KIF6: variants seen among roughly 807,000 people sequenced by gnomAD.
The protein encoded by KIF6 is kinesin family member 6.
In KIF6, 106 loss-of-function variants were observed where a neutral mutation model predicts 112.7. The observed-to-expected ratio is 0.94, with a 90% CI of 0.80 to 1.11. The LOEUF is 1.11. Among genes scored for constraint, KIF6 ranks in the 50% least tolerant of loss-of-function variants. The pLI is 0.00. For synonymous variants in KIF6, 339 were observed against 339.9 expected, an observed-to-expected ratio of 1.00 and a Z score of 0.03; for missense variants, 929 against 964.0, an observed-to-expected ratio of 0.96 and a Z score of 0.48.
chr6:39,550,066 A>C (rs377558471), intron 10 of KIF6, among the ~76,000 whole-genome samples: 2 of 152,236 alleles, frequency 1.3e-5, no homozygotes, highest in South Asian at 4.2e-4. Flanking sequence ...TTGTTGAAAA[A>C]AGAGACCAGC....
Position 39,336,429 on chromosome 6 carries a change from C to T in KIF6, c.*103G>A. ...AATCAAAGTCACTAGTTGCTCCCAG[C>T]AGCCCATAGTTCACTTCTGAAGCCA... On this transcript the variant is annotated 3_prime_UTR_variant, in exon 23 of 23. Transcript: ENST00000287152. 3 of 1,106,420 alleles carry T rather than the reference C, an allele frequency of 2.7e-6. No homozygotes were observed. Among genetic ancestry groups the T allele is most frequent in the East Asian group, 2.4e-5 (1 of 41,792 alleles). 68.5% of individuals were successfully genotyped at this position (1,106,420 alleles called of 1,614,324 possible).
At chr6:39,443,168 A>AAAC (rs1772060926) in intron 13 of KIF6, among the ~76,000 whole-genome samples, 1 of 139,906 alleles carries the variant, frequency 7.1e-6, no homozygotes, top group African/African-American at 2.8e-5. Context: ...ATAAATAAAA[A>AAAC]TAAAAAAAAG....
At position 39,343,140 on chromosome 6, in the gene KIF6, C is replaced by T. The variant is rs922967906; in HGVS notation, c.2428+569G>A. ...GGGAGATGGGCAGCTGCCAAGAGGA[C>T]GGGGCTGGGGGTGGAGGGGGCAGTG... On this transcript the variant is annotated intron_variant, in intron 22 of 22. Coordinates refer to ENST00000287152, the MANE Select transcript of KIF6 (RefSeq NM_145027.6). This position sits in a 1 kb window ranked among gnomAD's most constrained non-coding sequence, Gnocchi z 4.1. 405 of 985,282 alleles carry T rather than the reference C, an allele frequency of 4.1e-4. No homozygotes were observed. Among genetic ancestry groups the T allele is most frequent in the Middle Eastern group, 1.0e-3 (2 of 1,914 alleles). 61.0% of individuals were successfully genotyped at this position (985,282 alleles called of 1,614,324 possible). A position where few individuals can be genotyped will look rare whatever the true frequency, so the allele number is the denominator to read the frequency against.
Position 39,596,072 on chromosome 6 carries a change from T to C in KIF6, c.828A>G (p.Ser276=), listed in dbSNP as rs892610886. Residue 276 remains serine (S), a synonymous_variant, in exon 7 of 23, where the codon TCA becomes TCG. Coordinates refer to ENST00000287152, the MANE Select transcript of KIF6 (RefSeq NM_145027.6). ...ATTTTACCTGTTCTAAGTAATGTAG[T>C]GACAAGTTGATATACTTGGCCTCTG... ...LLTEAKYINL[S]LHYLEQVIIA... The C allele has an allele frequency of 1.2e-6, 2 of 1,613,798 alleles. No individual in the cohort carries two copies. Among genetic ancestry groups the C allele is most frequent in the Admixed American group, 3.3e-5 (2 of 59,968 alleles).
At chr6:39,583,996 T>A (rs1375560066) in intron 9 of KIF6, among the ~76,000 whole-genome samples, 1 of 152,094 alleles carries the variant, frequency 6.6e-6, no homozygotes, top group Non-Finnish European at 1.5e-5. Flanking sequence ...GTTATAAAAC[T>A]AGAAGTTTGA....
chr6:39,423,955 T>C lies in KIF6; in HGVS notation c.1755-3952A>G, dbSNP rs933466063. On this transcript the variant is annotated intron_variant, in intron 14 of 22. Coordinates refer to ENST00000287152, the MANE Select transcript of KIF6 (RefSeq NM_145027.6). ...CCCACATTTTAGCCTGAGTGATTCT[T>C]CTTAATGCAAACCTGGTCCTGTTAC... 2.0e-5 allele frequency among the ~76,000 whole-genome samples: 3 copies of C among 152,276 alleles called. No individual in the cohort carries two copies. In the East Asian group the frequency reaches 5.8e-4, roughly 29 times the overall value.
intron 13 of KIF6, among the ~76,000 whole-genome samples, chr6:39,451,042 G>A (rs1182903828): frequency 6.6e-6 from 1 of 152,072 alleles, no homozygotes; most frequent in Non-Finnish European, 1.5e-5. Flanking sequence ...ATTCTCTAAT[G>A]CTGGATTTTA....
intron 3 of KIF6, among the ~76,000 whole-genome samples, chr6:39,640,812 A>G (rs1431995267): frequency 6.6e-6 from 1 of 152,176 alleles, no homozygotes; most frequent in East Asian, 1.9e-4. Flanking sequence ...TAAACTTATG[A>G]CCACCTTATG....
chr6:39,440,983 C>T (rs1034554605), intron 13 of KIF6, among the ~76,000 whole-genome samples: 3 of 152,108 alleles, frequency 2.0e-5, no homozygotes, highest in East Asian at 1.9e-4. Flanking sequence ...GGGGCTATAA[C>T]AGATCTTATA....
chr6:39,662,742 C>T (rs1177938069), intron 3 of KIF6, among the ~76,000 whole-genome samples: 1 of 152,184 alleles, frequency 6.6e-6, no homozygotes, highest in African/African-American at 2.4e-5. Context: ...AATACTCAAA[C>T]TGAAAACAAG....
intron 13 of KIF6, among the ~76,000 whole-genome samples, chr6:39,443,175 A>T (rs1772063914): frequency 6.7e-6 from 1 of 148,232 alleles, no homozygotes; most frequent in African/African-American, 2.5e-5. Flanking sequence ...AAAATAAAAA[A>T]AAGAAAGAGG....
chr6:39,349,530 G>T (rs1217128142), intron 19 of KIF6, among the ~76,000 whole-genome samples: 1 of 151,948 alleles, frequency 6.6e-6, no homozygotes, highest in Admixed American at 6.6e-5. Flanking sequence ...AGAGGCGAGT[G>T]GAGGAGGGAA....
intron 6 of KIF6, among the ~76,000 whole-genome samples, chr6:39,611,048 T>G (rs1239954443): frequency 6.6e-6 from 1 of 152,226 alleles, no homozygotes; most frequent in Non-Finnish European, 1.5e-5. Context: ...GGCTCACACC[T>G]GTAATTCCAG....
At chr6:39,565,214 G>GTTT (rs10655774) in intron 10 of KIF6, among the ~76,000 whole-genome samples, 78,991 of 151,886 alleles carry the variant, frequency 0.52, 23,401 homozygotes, top group African/African-American at 0.82. Flanking sequence ...GGATAATTTT[G>GTTT]CAGTAAGTTC....
intron 3 of KIF6, among the ~76,000 whole-genome samples, chr6:39,703,554 A>G (rs1345561279): frequency 6.6e-6 from 1 of 152,208 alleles, no homozygotes; most frequent in Non-Finnish European, 1.5e-5. Flanking sequence ...TCAATTAATA[A>G]GTAAATTTGT....
intron 13 of KIF6, among the ~76,000 whole-genome samples, chr6:39,524,890 C>A (rs926043535): frequency 6.6e-6 from 1 of 152,202 alleles, no homozygotes; most frequent in Non-Finnish European, 1.5e-5. Flanking sequence ...TGGGGAAATG[C>A]AACCTGAGCT....
At chr6:39,660,143 T>C (rs1411296869) in intron 3 of KIF6, among the ~76,000 whole-genome samples, 1 of 152,184 alleles carries the variant, frequency 6.6e-6, no homozygotes, top group Non-Finnish European at 1.5e-5. Context: ...AGACCCTGTC[T>C]CTAAAATAAT....
intron 3 of KIF6, among the ~76,000 whole-genome samples, chr6:39,712,529 T>C (rs1273290354): frequency 6.6e-6 from 1 of 152,110 alleles, no homozygotes; most frequent in Non-Finnish European, 1.5e-5. Flanking sequence ...TTTGTTTTAG[T>C]GGAGGCAAAT....
chr6:39,387,425 A>G (rs1452263908), intron 15 of KIF6, among the ~76,000 whole-genome samples: 1 of 152,138 alleles, frequency 6.6e-6, no homozygotes, highest in Admixed American at 6.6e-5. Context: ...TGTCTTGGGA[A>G]AGGGTCTGGG....
Sources: allele counts gnomAD v4.1 joint callset (sites outside exome capture counted in the v4.1 genomes callset), GRCh38; gene constraint gnomAD v4.1.1; non-coding constraint Gnocchi (gnomAD v3.1); transcripts MANE v1.5; gene names NCBI Gene and HGNC (gene_info 2026-07-23, HGNC 2026-07-21).